Variants in CAMKK2 observed in about 807,000 individuals in gnomAD.
CAMKK2 encodes calcium/calmodulin dependent protein kinase kinase 2.
CAMKK2 carries 30 observed loss-of-function variants against 67.2 expected under a neutral mutation model. The observed-to-expected ratio is 0.45, with a 90% CI of 0.33 to 0.61. CAMKK2 has a LOEUF of 0.61. Ranked by LOEUF, CAMKK2 falls within the 20% of genes least tolerant of loss-of-function variation. CAMKK2 has a pLI of 0.02. For synonymous variants in CAMKK2, 322 were observed against 326.2 expected, an observed-to-expected ratio of 0.99 and a Z score of 0.14; for missense variants, 643 against 802.0, an observed-to-expected ratio of 0.80 and a Z score of 2.39.
At chr12:121,288,827 A>C (rs1199242438) in intron 1 of CAMKK2, among the ~76,000 whole-genome samples, 1 of 151,406 alleles carries the variant, frequency 6.6e-6, no homozygotes, top group Non-Finnish European at 1.5e-5. Context: ...CTATTTACAG[A>C]AGCCACCAGG....
In CAMKK2 at chr12:121,240,524, CTTT is replaced by C. The variant is rs63023660; in HGVS notation, c.*172_*174del. The C allele has an allele frequency of 1.1e-5, 16 of 1,471,822 alleles. No individual in the cohort carries two copies. The highest frequency in any genetic ancestry group is 8.5e-5 in the Admixed American group (4 of 47,204). 91.2% of individuals were successfully genotyped at this position (1,471,822 alleles called of 1,614,324 possible). On this transcript the variant is annotated 3_prime_UTR_variant, in exon 17 of 17. Transcript: ENST00000404169. This position sits in a 1 kb window ranked among gnomAD's most constrained non-coding sequence, Gnocchi z 4.4. ...ACGGTCGACGTCATGGAGTCAAGTCCTTTTTTTTTTTTTGTCCCCTTTAAAACA... is the reference window on the plus strand; with the variant it reads ...ACGGTCGACGTCATGGAGTCAAGTCCTTTTTTTTTTGTCCCCTTTAAAACA...
In CAMKK2 at chr12:121,253,380, T is replaced by C; in HGVS notation, c.1000A>G (p.Ser334Gly). Residue 334 changes from serine (S) to glycine (G), a missense_variant, in exon 10 of 17, where the codon AGC becomes GGC. Around this residue, in one of 3 missense-constraint regions of CAMKK2, gnomAD observed 483 missense variants for 625.8 expected, o/e 0.77. Transcript: ENST00000404169. The surrounding 1 kb of genome is among the most constrained non-coding windows in gnomAD (Gnocchi z 5.0). ...GHIKIADFGV[S>G]NEFKGSDALL... ...GCGTCACTGCCCTTGAATTCATTGC[T>C]CACACCAAAGTCAGCGATCTTGATG... 2 of 1,614,120 alleles carry C rather than the reference T, an allele frequency of 1.2e-6. 1 individual carries two copies. The highest frequency in any genetic ancestry group is 2.2e-5 in the South Asian group (2 of 91,076).
chr12:121,285,422 G>A lies in CAMKK2; in HGVS notation c.-59-10837C>T, dbSNP rs1453390039. On this transcript the variant is annotated intron_variant, in intron 1 of 16. Transcript: ENST00000404169. This position sits in a 1 kb window ranked among gnomAD's most constrained non-coding sequence, Gnocchi z 4.1. ...GGAGGCTGAGGCACGAGAATCACTT[G>A]AACCCGGGAGGGGGAGGTTGCAGTG... Among the ~76,000 whole-genome samples the A allele has an allele frequency of 6.6e-6, 1 of 152,166 alleles. No individual in the cohort carries two copies. The highest frequency in any genetic ancestry group is 1.5e-5 in the Non-Finnish European group (1 of 68,024).
At chr12:121,270,368 T>TAAAA (rs3999199) in intron 3 of CAMKK2, among the ~76,000 whole-genome samples, 2 of 125,264 alleles carry the variant, frequency 1.6e-5, no homozygotes, top group African/African-American at 5.7e-5. Flanking sequence ...ACACCCTGTC[T>TAAAA]AAAAAAAAAA....
Position 121,263,914 on chromosome 12 carries a change from C to T in CAMKK2, c.651G>A (p.Arg217=), listed in dbSNP as rs1843784241. The T allele has an allele frequency of 5.6e-6, 9 of 1,607,014 alleles. No homozygotes were observed. The highest frequency in any genetic ancestry group is 7.7e-6 in the Non-Finnish European group (9 of 1,174,902). Residue 217 remains arginine (R), a synonymous_variant, in exon 6 of 17, where the codon CGG becomes CGA. Transcript: ENST00000404169. ...FPRRPPPRGT[R]PAPGGCIQPR... The stretch of plus-strand genomic sequence containing the variant: ...GCTGGATGCAGCCTCCAGGAGCTGG[C>T]CGGGTGCCTCGGGGTGGAGGGCGAC...
rs969703872 is a variant in CAMKK2, at chr12:121,296,156, G to A, written c.-60+482C>T. Among the ~76,000 whole-genome samples the A allele has an allele frequency of 6.6e-6, 1 of 152,152 alleles. No homozygotes were observed. The highest frequency in any genetic ancestry group is 1.5e-5 in the Non-Finnish European group (1 of 68,036). ...TGCTGGCCTAGGGTCCTGCCACCTGGTGTCCAAGCCACCAGGGCCTGGGTT... is the reference window on the plus strand; with the variant it reads ...TGCTGGCCTAGGGTCCTGCCACCTGATGTCCAAGCCACCAGGGCCTGGGTT... On this transcript the variant is annotated intron_variant, in intron 1 of 16. Coordinates refer to ENST00000404169, the MANE Select transcript of CAMKK2 (RefSeq NM_001270485.2). This position sits in a 1 kb window ranked among gnomAD's most constrained non-coding sequence, Gnocchi z 7.1.
chr12:121,268,593 T>A, intron 5 of CAMKK2, 45 bp downstream of exon 5: 1 of 1,580,968 alleles, frequency 6.3e-7, no homozygotes, highest in Non-Finnish European at 8.7e-7. Flanking sequence ...CTGCCCTGTC[T>A]TGTCCCAGCC....
chr12:121,259,713 T>C (rs1349489018), intron 7 of CAMKK2, among the ~76,000 whole-genome samples: 1 of 152,232 alleles, frequency 6.6e-6, no homozygotes, highest in African/African-American at 2.4e-5. Context: ...ACTATGAGTT[T>C]GGGGTGCTGG....
In CAMKK2 at chr12:121,263,803, T is replaced by C; in HGVS notation, c.759+3A>G. ...TCCCTCCTGGGCGCCTCCACCCTTTTACCTCCACCAGCTTCACCACATTGG... is the reference window on the plus strand; with the variant it reads ...TCCCTCCTGGGCGCCTCCACCCTTTCACCTCCACCAGCTTCACCACATTGG... On this transcript the variant is annotated splice_donor_region_variant and intron_variant, in intron 6 of 16. Transcript: ENST00000404169. 6.2e-7 allele frequency: 1 copy of C among 1,604,232 alleles called. No individual in the cohort carries two copies. The highest frequency in any genetic ancestry group is 8.5e-7 in the Non-Finnish European group (1 of 1,172,794).
chr12:121,251,135 A>C (rs556285257), intron 11 of CAMKK2, among the ~76,000 whole-genome samples: 1 of 152,328 alleles, frequency 6.6e-6, no homozygotes, highest in Admixed American at 6.5e-5. Flanking sequence ...GTCTAAGGAA[A>C]ACGATTTCAT....
intron 1 of CAMKK2, among the ~76,000 whole-genome samples, chr12:121,290,289 A>G (rs949025904): frequency 2.6e-5 from 4 of 152,236 alleles, no homozygotes; most frequent in African/African-American, 9.6e-5. Context: ...TCACGGCCAC[A>G]GGGCCGTGGC....
intron 6 of CAMKK2, among the ~76,000 whole-genome samples, chr12:121,263,030 G>A (rs1186482173): frequency 2.6e-5 from 4 of 151,848 alleles, no homozygotes; most frequent in Non-Finnish European, 4.4e-5. Context: ...ATGCAATGGC[G>A]TGATCTCAGC....
intron 13 of CAMKK2, among the ~76,000 whole-genome samples, chr12:121,249,212 T>C (rs3794204): frequency 0.26 from 39,331 of 152,154 alleles, 5,710 homozygotes; most frequent in African/African-American, 0.38. Flanking sequence ...CAATCCATGA[T>C]TTTTTGGGCT....
chr12:121,283,286 G>A (rs1898141192), intron 1 of CAMKK2, among the ~76,000 whole-genome samples: 1 of 152,120 alleles, frequency 6.6e-6, no homozygotes, highest in East Asian at 1.9e-4. Flanking sequence ...GCTAAGCAGG[G>A]TTATCAGATC....
In CAMKK2 at chr12:121,260,373, G is replaced by A; in HGVS notation, c.760-18C>T. 6.2e-7 allele frequency: 1 copy of A among 1,610,340 alleles called. No individual in the cohort carries two copies. The highest frequency in any genetic ancestry group is 2.2e-5 in the East Asian group (1 of 44,808). ...TCCAGGACCTTGGCACAGCCACATG[G>A]AATAGGCAGGAGACGGATGGCGGGG... On this transcript the variant is annotated intron_variant, in intron 6 of 16. Transcript: ENST00000404169.
rs1411013049 is a variant in CAMKK2 at position 121,255,554 on chromosome 12, C to G, written c.903G>C (p.Glu301Asp). The change falls in exon 9 of 17, where the codon GAG becomes GAC. Residue 301 changes from glutamate to aspartate, a missense_variant. Physicochemically the swap from Glu to Asp is conservative, Grantham distance 45. This residue lies in a region of CAMKK2 where 483 missense variants were observed against 625.8 expected (regional missense o/e 0.77). Coordinates refer to ENST00000404169, the MANE Select transcript of CAMKK2 (RefSeq NM_001270485.2). ...FYFQDLIKGI[E>D]YLHYQKIIHR... Reference sequence around the variant, plus strand: ...CCTCCCGCAGGCCCTGCTCACAGTACTCGATGCCTTTGATCAGATCCTGGA... The same window carrying G: ...CCTCCCGCAGGCCCTGCTCACAGTAGTCGATGCCTTTGATCAGATCCTGGA... 1 of 1,609,978 alleles carries G rather than the reference C, an allele frequency of 6.2e-7. No homozygotes were observed. The highest frequency in any genetic ancestry group is 8.5e-7 in the Non-Finnish European group (1 of 1,178,596).
intron 5 of CAMKK2, 48 bp from the exon 6 acceptor site, chr12:121,263,987 T>A (rs1306488952): frequency 6.7e-6 from 10 of 1,492,276 alleles, no homozygotes; most frequent in Non-Finnish European, 9.0e-6. Context: ...GAGACTTTCC[T>A]CCGCAGAGGG....
In CAMKK2 at chr12:121,269,550, T is replaced by C; in HGVS notation, c.551A>G (p.Asn184Ser). 1 of 1,607,714 alleles carries C rather than the reference T, an allele frequency of 6.2e-7. No homozygotes were observed. Among genetic ancestry groups the C allele is most frequent in the Non-Finnish European group, 8.5e-7 (1 of 1,176,520 alleles). The stretch of plus-strand genomic sequence containing the variant: ...CACATAGTAGGTATTGTCATTTTCA[T>C]TGTAGGCCAACTTGACGACACCATA... ...GSYGVVKLAY[N>S]ENDNTYYAMK... is the part of the protein sequence containing the mutation. Residue 184 changes from asparagine (N) to serine (S), a missense_variant, in exon 4 of 17, where the codon AAT becomes AGT. Physicochemically the swap from Asn to Ser is conservative, Grantham distance 46. Transcript: ENST00000404169.
At chr12:121,261,083 T>C (rs1893359827) in intron 6 of CAMKK2, among the ~76,000 whole-genome samples, 1 of 151,954 alleles carries the variant, frequency 6.6e-6, no homozygotes, top group Non-Finnish European at 1.5e-5. Context: ...CAGGAAATGA[T>C]GTCTCCCTGC....
Sources: gnomAD v4.1 joint callset for allele counts (sites outside exome capture counted in the v4.1 genomes callset) on GRCh38, gnomAD v4.1.1 for gene constraint, gnomAD v4.1.1 regional missense constraint, Gnocchi (gnomAD v3.1) non-coding constraint, MANE v1.5 for transcripts, NCBI Gene and HGNC (gene_info 2026-07-23, HGNC 2026-07-21) for gene names.